FHIT: variants seen among roughly 807,000 people sequenced by gnomAD.
The protein encoded by FHIT is bis(5'-adenosyl)-triphosphatase.
In FHIT, 19 loss-of-function variants were observed where a neutral mutation model predicts 17.9. That is an observed-to-expected ratio of 1.06 (90% confidence interval 0.74 to 1.56). The LOEUF is 1.56. FHIT is among the 40% of genes most tolerant of loss of function. FHIT has a pLI of 0.00. For missense variants in FHIT, 248 were observed against 189.2 expected, an observed-to-expected ratio of 1.31 and a Z score of -1.82; for synonymous variants, 81 against 69.7, an observed-to-expected ratio of 1.16 and a Z score of -0.81.
chr3:60,180,254 A>G (rs1701868304), intron 5 of FHIT, among the ~76,000 whole-genome samples: 1 of 152,198 alleles, frequency 6.6e-6, no homozygotes. Context: ...TGAAAAGTAG[A>G]AAAAATATAC....
chr3:60,608,920 C>T (rs968584341), intron 4 of FHIT, among the ~76,000 whole-genome samples: 11 of 151,490 alleles, frequency 7.3e-5, no homozygotes, highest in Non-Finnish European at 8.8e-5. Flanking sequence ...CTACTTAAAA[C>T]GGTGGCAGAG....
intron 3 of FHIT, among the ~76,000 whole-genome samples, chr3:60,962,856 T>A (rs1271987277): frequency 1.3e-5 from 2 of 152,236 alleles, no homozygotes; most frequent in African/African-American, 4.8e-5. Context: ...GATTTTTGCA[T>A]CGATGTTCAT....
At chr3:61,102,433 A>C (rs1188900539) in intron 2 of FHIT, among the ~76,000 whole-genome samples, 1 of 152,054 alleles carries the variant, frequency 6.6e-6, no homozygotes, top group Non-Finnish European at 1.5e-5. Context: ...AGGCTTTTTG[A>C]TGTGTTGATG....
chr3:60,993,376 G>A (rs924906195), intron 3 of FHIT, among the ~76,000 whole-genome samples: 1 of 152,154 alleles, frequency 6.6e-6, no homozygotes, highest in Non-Finnish European at 1.5e-5. Flanking sequence ...GAAACGGCTT[G>A]AGCACCTTTA....
chr3:60,382,374 T>G (rs1700836071), intron 5 of FHIT, among the ~76,000 whole-genome samples: 1 of 152,220 alleles, frequency 6.6e-6, no homozygotes, highest in South Asian at 2.1e-4. Context: ...CCACGTGCCA[T>G]TTCAAAATAA....
chr3:60,652,505 G>A (rs2040014682), intron 4 of FHIT, among the ~76,000 whole-genome samples: 1 of 152,030 alleles, frequency 6.6e-6, no homozygotes, highest in African/African-American at 2.4e-5. Context: ...AGGCCCAGGA[G>A]GGCGGATCAT....
intron 1 of FHIT, among the ~76,000 whole-genome samples, chr3:61,212,663 T>A (rs1314221714): frequency 6.6e-6 from 1 of 152,102 alleles, no homozygotes; most frequent in Non-Finnish European, 1.5e-5. Flanking sequence ...GCCACAAAGA[T>A]ACTCCTCGAG....
At chr3:60,320,053 C>T (rs184942801) in intron 5 of FHIT, among the ~76,000 whole-genome samples, 2 of 152,288 alleles carry the variant, frequency 1.3e-5, no homozygotes, top group East Asian at 3.9e-4. Flanking sequence ...TTCTCCCACA[C>T]AAAATCCCTC....
At chr3:60,655,588 T>C (rs2040096780) in intron 4 of FHIT, among the ~76,000 whole-genome samples, 1 of 152,174 alleles carries the variant, frequency 6.6e-6, no homozygotes, top group Non-Finnish European at 1.5e-5. Flanking sequence ...TTCGGGGGTT[T>C]GGAGGGTAAG....
intron 3 of FHIT, among the ~76,000 whole-genome samples, chr3:60,822,839 A>G (rs1701973956): frequency 6.6e-6 from 1 of 152,152 alleles, no homozygotes. Context: ...CTGCTCATAA[A>G]TCACTCAATG....
chr3:59,896,138 C>T (rs867639138), intron 8 of FHIT, among the ~76,000 whole-genome samples: 8 of 152,228 alleles, frequency 5.3e-5, no homozygotes, highest in Admixed American at 1.3e-4. Flanking sequence ...CGCTTGTACA[C>T]TGGCATCCCT....
chr3:60,132,071 CT>C (rs1699617975), intron 5 of FHIT, among the ~76,000 whole-genome samples: 1 of 152,150 alleles, frequency 6.6e-6, no homozygotes, highest in African/African-American at 2.4e-5. Flanking sequence ...CTCCATCTGC[CT>C]TCTACAGTCG....
rs1434781277 is a variant in FHIT at position 60,756,403 on chromosome 3, C to G, written c.-18+65516G>C. Among the ~76,000 whole-genome samples the G allele has an allele frequency of 4.6e-5, 7 of 152,156 alleles. 1 individual carries two copies. Among genetic ancestry groups the G allele is most frequent in the Admixed American group, 4.6e-4 (7 of 15,270 alleles). ...GCTGTCTACATTTGTCTGGCAAATA[C>G]GATGCCAAACGAAAAGCCTGATGAG... On this transcript the variant is annotated intron_variant, in intron 4 of 9. Coordinates refer to ENST00000492590, the MANE Select transcript of FHIT (RefSeq NM_002012.4).
chr3:60,908,939 C>T (rs1463116976), intron 3 of FHIT, among the ~76,000 whole-genome samples: 3 of 152,120 alleles, frequency 2.0e-5, no homozygotes, highest in Non-Finnish European at 4.4e-5. Context: ...CCTCAAAGAG[C>T]CCAGCTGTTC....
At chr3:60,856,045 T>G (rs1331360718) in intron 3 of FHIT, among the ~76,000 whole-genome samples, 12 of 152,260 alleles carry the variant, frequency 7.9e-5, no homozygotes, top group African/African-American at 2.6e-4. Flanking sequence ...GGTGTTTCAG[T>G]TAAATTATTT....
At chr3:59,781,655 T>A (rs1702588889) in intron 8 of FHIT, among the ~76,000 whole-genome samples, 1 of 152,264 alleles carries the variant, frequency 6.6e-6, no homozygotes, top group Non-Finnish European at 1.5e-5. Context: ...GATTTCATCC[T>A]GCTAATGCAT....
chr3:60,977,846 G>C (rs1710328554), intron 3 of FHIT, among the ~76,000 whole-genome samples: 1 of 152,118 alleles, frequency 6.6e-6, no homozygotes, highest in South Asian at 2.1e-4. Flanking sequence ...ACTCCAGCCT[G>C]GACAACGAGA....
chr3:60,618,132 T>A (rs1388862116), intron 4 of FHIT: 2 of 153,422 alleles, frequency 1.3e-5, no homozygotes, highest in Non-Finnish European at 2.9e-5. Flanking sequence ...TGGTATCTTT[T>A]CATTTTGAAT....
intron 5 of FHIT, among the ~76,000 whole-genome samples, chr3:60,122,193 T>C (rs765901180): frequency 1.3e-5 from 2 of 152,126 alleles, no homozygotes; most frequent in African/African-American, 2.4e-5. Flanking sequence ...CTAATTACTC[T>C]AGAAAGAAGT....
Sources: gnomAD v4.1 joint callset for allele counts (sites outside exome capture counted in the v4.1 genomes callset) on GRCh38, gnomAD v4.1.1 for gene constraint, MANE v1.5 for transcripts, NCBI Gene and HGNC (gene_info 2026-07-23, HGNC 2026-07-21) for gene names.